TSNARE1: variants seen among roughly 807,000 people sequenced by gnomAD.
TSNARE1 encodes the protein t-SNARE domain containing 1.
A neutral mutation model predicts 62.0 loss-of-function variants in TSNARE1; 49 were observed. The observed-to-expected ratio is 0.79, with a 90% CI of 0.63 to 1.00. The LOEUF is 1.00. Among genes scored for constraint, TSNARE1 ranks in the 50% least tolerant of loss-of-function variants. The pLI is 0.00. For missense variants in TSNARE1, 755 were observed against 700.1 expected, an observed-to-expected ratio of 1.08 and a Z score of -0.88; for synonymous variants, 328 against 294.4, an observed-to-expected ratio of 1.11 and a Z score of -1.17.
intron 11 of TSNARE1, chr8:142,278,319 C>T: frequency 1.0e-6 from 1 of 985,480 alleles, no homozygotes; most frequent in Non-Finnish European, 1.2e-6. Context: ...CCCCAGCGCT[C>T]CAAGTTCTGC....
intron 7 of TSNARE1, among the ~76,000 whole-genome samples, chr8:142,317,939 C>G (rs746364420): frequency 6.6e-6 from 1 of 152,040 alleles, no homozygotes; most frequent in African/African-American, 2.4e-5. Flanking sequence ...GCCTGGGAGA[C>G]AGAGCAAGAC....
At chr8:142,270,552 G>A (rs1467505271) in intron 12 of TSNARE1, 1 of 984,160 alleles carries the variant, frequency 1.0e-6, no homozygotes, top group Non-Finnish European at 1.2e-6. Context: ...CAGGCATATG[G>A]GATGTGGTTC....
chr8:142,386,150 A>T (rs1429952645), intron 1 of TSNARE1, among the ~76,000 whole-genome samples: 1 of 152,180 alleles, frequency 6.6e-6, no homozygotes, highest in East Asian at 1.9e-4. Flanking sequence ...AGGATAATCA[A>T]TCTACTTTGA....
rs200850084 is a variant in TSNARE1, at chr8:142,265,142, C to T, written c.1446+9639G>A. Among the ~76,000 whole-genome samples, 6 of 18,182 alleles carry T rather than the reference C, an allele frequency of 3.3e-4. No individual in the cohort carries two copies. The East Asian group carries it at 0.012, about 38-fold the overall frequency. The allele number at this position is 18,182 out of a possible 152,430, so 11.9% of individuals were successfully genotyped here. On this transcript the variant is annotated intron_variant, in intron 12 of 13. Coordinates refer to ENST00000524325, the MANE Select transcript of TSNARE1 (RefSeq NM_145003.5). ...ACTCAGTTTGTGTGTGTGTGTAGTT[C>T]TATGAAATTTTATCACATATGTAGA...
chr8:142,273,000 G>A (rs934275339), intron 12 of TSNARE1: 1 of 985,474 alleles, frequency 1.0e-6, no homozygotes, highest in Non-Finnish European at 1.2e-6. Context: ...AACAGGAGTG[G>A]GACAGTCTAT....
chr8:142,273,185 TCCTCCTTCA>T lies in TSNARE1; in HGVS notation c.1446+1587_1446+1595del, dbSNP rs983027199. ...AGTTGCCACTGCCCTCCTTTCCTCCTCCTCCTTCACCTCCTCCTCTTCCTCACTGTCCCA... is the reference window on the plus strand; with the variant it reads ...AGTTGCCACTGCCCTCCTTTCCTCCTCCTCCTCCTCTTCCTCACTGTCCCA... On this transcript the variant is annotated intron_variant, in intron 12 of 13. Coordinates refer to ENST00000524325, the MANE Select transcript of TSNARE1 (RefSeq NM_145003.5). The T allele has an allele frequency of 1.1e-4, 108 of 984,872 alleles. No individual in the cohort carries two copies. In the African/African-American group the frequency reaches 1.5e-3, roughly 14 times the overall value. The allele number at this position is 984,872 out of a possible 1,614,324, so 61.0% of individuals were successfully genotyped here.
intron 10 of TSNARE1, among the ~76,000 whole-genome samples, chr8:142,297,297 C>T (rs1015111768): frequency 2.0e-5 from 3 of 152,232 alleles, no homozygotes; most frequent in Non-Finnish European, 4.4e-5. Context: ...ACAGCAGCCA[C>T]GGACACTCGA....
rs961958859 is a variant in TSNARE1, at chr8:142,374,864, G to C, written c.-39-20101C>G. ...AGCCTGGGGAACAGGCGCTGGCCTC[G>C]GGCTGCCCTGGGAAGACCCCACACA... On this transcript the variant is annotated intron_variant, in intron 1 of 13. Transcript: ENST00000524325. Among the ~76,000 whole-genome samples, 5 of 152,090 alleles carry C rather than the reference G, an allele frequency of 3.3e-5. No homozygotes were observed. The South Asian group carries it at 1.0e-3, about 32-fold the overall frequency.
intron 1 of TSNARE1, among the ~76,000 whole-genome samples, chr8:142,370,708 C>G (rs1835858183): frequency 6.6e-6 from 1 of 152,084 alleles, no homozygotes; most frequent in African/African-American, 2.4e-5. Flanking sequence ...GTTAAAAAAT[C>G]TTGAAGCTGA....
chr8:142,285,220 A>G (rs2130917708), intron 10 of TSNARE1, among the ~76,000 whole-genome samples: 1 of 124,986 alleles, frequency 8.0e-6, no homozygotes, highest in East Asian at 2.2e-4. Context: ...GGACAGATGA[A>G]TGGGTGGATG....
chr8:142,321,332 T>C (rs1396298301), intron 6 of TSNARE1, among the ~76,000 whole-genome samples: 1 of 152,140 alleles, frequency 6.6e-6, no homozygotes, highest in African/African-American at 2.4e-5. Context: ...AGCTAAGGGA[T>C]GCAGCTAAAA....
At chr8:142,282,146 C>A (rs964969327) in intron 11 of TSNARE1, among the ~76,000 whole-genome samples, 2 of 152,184 alleles carry the variant, frequency 1.3e-5, no homozygotes, top group Non-Finnish European at 2.9e-5. Flanking sequence ...CCCCTCTTCT[C>A]GTGGATGCAG....
rs574008915 is a variant in TSNARE1, at chr8:142,277,047, G to A, written c.1364-2184C>T. 4.5e-4 allele frequency: 443 copies of A among 985,404 alleles called. No homozygotes were observed. The Middle Eastern group carries it at 7.3e-3, about 16-fold the overall frequency. 61.0% of individuals were successfully genotyped at this position (985,404 alleles called of 1,614,324 possible). On this transcript the variant is annotated intron_variant, in intron 11 of 13. Transcript: ENST00000524325. ...TGGGGTGAGGACAGGTTTGGTGCGT[G>A]GGACCTGTGGTACTGAGCGACACTC...
chr8:142,404,089 C>T (rs1438111917), upstream of TSNARE1: 6 of 152,224 alleles, frequency 3.9e-5, no homozygotes, highest in South Asian at 2.1e-4. Context: ...GTTCTCCCGC[C>T]GCCCTCACTC....
chr8:142,347,510 C>A (rs1162285456), intron 2 of TSNARE1, among the ~76,000 whole-genome samples: 1 of 152,242 alleles, frequency 6.6e-6, no homozygotes, highest in Non-Finnish European at 1.5e-5. Context: ...GACACACTCT[C>A]CAAGCTGGAA....
rs114961952 is a variant in TSNARE1, at chr8:142,237,986, C to T, written c.1447-8407G>A. Among the ~76,000 whole-genome samples the T allele has an allele frequency of 5.2e-3, 787 of 152,178 alleles. 6 individuals carry two copies. The highest frequency in any genetic ancestry group is 0.018 in the African/African-American group (748 of 41,520). The stretch of plus-strand genomic sequence containing the variant: ...CTGGCCCACGCCACCCGCCTGCCCA[C>T]GCCACCCGCCCAGGTCTCCATGCAT... On this transcript the variant is annotated intron_variant, in intron 12 of 13. Coordinates refer to ENST00000524325, the MANE Select transcript of TSNARE1 (RefSeq NM_145003.5).
chr8:142,273,559 G>C lies in TSNARE1; in HGVS notation c.1446+1222C>G, dbSNP rs913593352. On this transcript the variant is annotated intron_variant, in intron 12 of 13. Transcript: ENST00000524325. ...GTGACCTTGGCACAGCCTCTCCCAG[G>C]TCTTGTCTCCCGGCCTGGCGTTCAC... The C allele has an allele frequency of 4.9e-5, 48 of 985,286 alleles. 1 individual carries two copies. In the South Asian group the frequency reaches 1.9e-3, roughly 40 times the overall value. The allele number at this position is 985,286 out of a possible 1,614,324, so 61.0% of individuals were successfully genotyped here.
At chr8:142,367,897 T>C (rs537765109) in intron 1 of TSNARE1, among the ~76,000 whole-genome samples, 157 of 152,210 alleles carry the variant, frequency 1.0e-3, no homozygotes, top group African/African-American at 3.6e-3. Flanking sequence ...TGGAAAAAAA[T>C]TGGTTCATAC....
chr8:142,358,683 G>C (rs576239280), intron 1 of TSNARE1, among the ~76,000 whole-genome samples: 1 of 151,982 alleles, frequency 6.6e-6, no homozygotes, highest in East Asian at 1.9e-4. Context: ...GGCCAGTCTG[G>C]AAACACGAAA....
Sources: allele counts gnomAD v4.1 joint callset (sites outside exome capture counted in the v4.1 genomes callset), GRCh38; gene constraint gnomAD v4.1.1; transcripts MANE v1.5; gene names NCBI Gene and HGNC (gene_info 2026-07-23, HGNC 2026-07-21).